Variants in PPP2R1B observed in about 807,000 individuals in gnomAD.
PPP2R1B encodes serine/threonine-protein phosphatase 2A 65 kDa regulatory subunit A beta isoform.
In PPP2R1B, 58 loss-of-function variants were observed where a neutral mutation model predicts 72.7. That is an observed-to-expected ratio of 0.80 (90% CI 0.65 to 0.99). The LOEUF (loss-of-function observed/expected upper bound fraction) is 0.99, where lower values mean the gene tolerates loss of function less well. Among genes scored for constraint, PPP2R1B ranks in the 50% least tolerant of loss-of-function variants. The pLI is 0.00. For synonymous variants in PPP2R1B, 256 were observed against 264.6 expected (o/e 0.97, Z 0.32); for missense variants, 695 against 733.6 (o/e 0.95, Z 0.61).
the PPP2R1B span, chr11:111,718,978 T>C: frequency 6.6e-6 from 1 of 152,280 alleles, no homozygotes; most frequent in African/African-American, 2.4e-5. Flanking sequence ...GGCAACTGCA[T>C]GGGAAGGGCC....
chr11:111,743,247 G>A (rs964642173), intron 12 of PPP2R1B, 129 bp downstream of exon 12: 3 of 978,424 alleles, frequency 3.1e-6, no homozygotes, highest in Admixed American at 3.0e-5. Context: ...CTCATCTCCT[G>A]TCTATTCCAA....
intron 3 of PPP2R1B, among the ~76,000 whole-genome samples, chr11:111,762,088 G>T (rs1224191631): frequency 1.3e-5 from 2 of 152,196 alleles, no homozygotes; most frequent in African/African-American, 4.8e-5. Flanking sequence ...CTAGTAAAAA[G>T]TGTAAACAGG....
At position 111,752,145 on chromosome 11, in the gene PPP2R1B, C is replaced by T; in HGVS notation, c.1338+14G>A. The T allele has an allele frequency of 6.3e-7, 1 of 1,594,600 alleles. No homozygotes were observed. The highest frequency in any genetic ancestry group is 8.5e-7 in the Non-Finnish European group (1 of 1,171,550). ...TGACACTACCCTGCAGTTCATGGAG[C>T]AACACATACTCACCAGCTGGCCTGC... On this transcript the variant is annotated intron_variant, in intron 10 of 14. Coordinates refer to ENST00000527614, the MANE Select transcript of PPP2R1B (RefSeq NM_002716.5).
chr11:111,741,966 C>A (rs748528314), intron 14 of PPP2R1B, 87 bp downstream of exon 14: 4 of 1,127,178 alleles, frequency 3.5e-6, no homozygotes, highest in Non-Finnish European at 4.1e-6. Flanking sequence ...TACTTATCAT[C>A]CTACCCACTT....
At chr11:111,731,524 G>T (rs1351827235) in intron 15 of PPP2R1B, among the ~76,000 whole-genome samples, 1 of 152,246 alleles carries the variant, frequency 6.6e-6, no homozygotes, top group East Asian at 1.9e-4. Context: ...TGAGTGAAAG[G>T]CCACTGTTAT....
downstream of PPP2R1B, chr11:111,723,765 C>G (rs535609982): frequency 6.2e-7 from 1 of 1,614,104 alleles, no homozygotes; most frequent in African/African-American, 1.3e-5. Context: ...CCCTCCACTT[C>G]CGGTCCCCGG....
At chr11:111,714,781 G>A in the PPP2R1B span, among the ~76,000 whole-genome samples, 27 of 152,282 alleles carry the variant, frequency 1.8e-4, no homozygotes, top group African/African-American at 5.5e-4. Flanking sequence ...AGTGTTGACC[G>A]AAAGGATTTA....
At chr11:111,729,059 C>A (rs1447717251) in intron 15 of PPP2R1B, 1 of 152,370 alleles carries the variant, frequency 6.6e-6, no homozygotes, top group South Asian at 2.1e-4. Context: ...AATGTCAGAG[C>A]CCTTGTCTGG....
chr11:111,743,466 C>T lies in PPP2R1B; in HGVS notation c.1464G>A (p.Glu488=). The T allele has an allele frequency of 1.2e-6, 2 of 1,614,034 alleles. No homozygotes were observed. The highest frequency in any genetic ancestry group is 2.2e-5 in the South Asian group (2 of 91,054). Residue 488 remains glutamate (E), a synonymous_variant, in exon 12 of 15, where the codon GAG becomes GAA. Transcript: ENST00000527614. ...TGGGAACAATAGTATTTTGGGCCCA[C>T]TCTGTACCAAACTTCTGAACTAGTT... ...LMKLVQKFGT[E]WAQNTIVPKV... is the part of the protein sequence containing the mutation.
chr11:111,735,218 CG>C (rs1351156691), downstream of PPP2R1B: 1 of 152,182 alleles, frequency 6.6e-6, no homozygotes, highest in Non-Finnish European at 1.5e-5. Context: ...GGAGGGTGGG[CG>C]CAGTCAGGCA....
At chr11:111,762,940 A>G (rs923303470) in intron 3 of PPP2R1B, among the ~76,000 whole-genome samples, 1 of 152,224 alleles carries the variant, frequency 6.6e-6, no homozygotes, top group African/African-American at 2.4e-5. Flanking sequence ...TTGAGGACAC[A>G]GAAGAAACAA....
chr11:111,731,198 A>T lies in PPP2R1B; in HGVS notation c.1912-4141T>A, dbSNP rs1944179682. On this transcript the variant is annotated intron_variant, in intron 15 of 15. Coordinates refer to the PPP2R1B transcript ENST00000311129. ...GCGCATCAGCCCAGGTAGCCTGGGC[A>T]AGGGCCTCATGCCGCGGTAGGAGGA... is the stretch of plus-strand genomic sequence containing the variant. Among the ~76,000 whole-genome samples, 3 of 152,220 alleles carry T rather than the reference A, an allele frequency of 2.0e-5. 1 individual carries two copies. In the South Asian group the frequency reaches 6.2e-4, roughly 32 times the overall value.
In PPP2R1B at chr11:111,738,041, G is replaced by C. The variant is rs1231623460; in HGVS notation, c.*3555C>G. The C allele has an allele frequency of 8.9e-6, 9 of 1,010,162 alleles. No homozygotes were observed. In the East Asian group the frequency reaches 7.3e-4, roughly 82 times the overall value. The allele number at this position is 1,010,162 out of a possible 1,614,324, so 62.6% of individuals were successfully genotyped here. Reference sequence around the variant, plus strand: ...AGCAGGCTCGTGGAGGCAAACGGGGGACAGTGAGACTATTCTAGGTACAGA... The same window carrying C: ...AGCAGGCTCGTGGAGGCAAACGGGGCACAGTGAGACTATTCTAGGTACAGA... On this transcript the variant is annotated 3_prime_UTR_variant, in exon 15 of 15. Coordinates refer to ENST00000527614, the MANE Select transcript of PPP2R1B (RefSeq NM_002716.5).
At chr11:111,690,464 T>C in the PPP2R1B span, among the ~76,000 whole-genome samples, 2 of 152,086 alleles carry the variant, frequency 1.3e-5, no homozygotes, top group East Asian at 3.9e-4. Flanking sequence ...TTTTTTTACT[T>C]TAAGTTCTGG....
the PPP2R1B span, among the ~76,000 whole-genome samples, chr11:111,717,052 C>T: frequency 6.6e-6 from 1 of 152,146 alleles, no homozygotes; most frequent in Admixed American, 6.5e-5. Flanking sequence ...TGGTGGCTCA[C>T]GCCCGTAATC....
At chr11:111,736,294 G>A (rs1430138942), downstream of PPP2R1B, among the ~76,000 whole-genome samples, 3 of 152,154 alleles carry the variant, frequency 2.0e-5, no homozygotes, top group African/African-American at 4.8e-5. Context: ...TCAGCCATGG[G>A]AGGGCCGCCT....
chr11:111,720,918 A>C, the PPP2R1B span: 2 of 1,613,766 alleles, frequency 1.2e-6, no homozygotes, highest in Admixed American at 3.3e-5. Context: ...CATTTAGACA[A>C]CATCTTCAGA....
At chr11:111,717,009 A>G in the PPP2R1B span, among the ~76,000 whole-genome samples, 1 of 152,116 alleles carries the variant, frequency 6.6e-6, no homozygotes, top group African/African-American at 2.4e-5. Flanking sequence ...CAGCCAACAA[A>G]CATATGAAAA....
At chr11:111,724,933 G>C (rs1026263214), downstream of PPP2R1B, 1 of 152,322 alleles carries the variant, frequency 6.6e-6, no homozygotes, top group Admixed American at 6.5e-5. Context: ...CACCAGCCCT[G>C]GGCCAGGGAA....
Sources: allele counts gnomAD v4.1 joint callset (sites outside exome capture counted in the v4.1 genomes callset), GRCh38; gene constraint gnomAD v4.1.1; transcripts MANE v1.5; gene names NCBI Gene and HGNC (gene_info 2026-07-23, HGNC 2026-07-21).